The following RBFOX1 variants were observed in gnomAD, a reference collection of about 807,000 sequenced individuals.
RBFOX1 encodes the protein RNA binding fox-1 homolog 1, also known as RNA binding protein fox-1 homolog 1.
Under a neutral mutation model 57.7 loss-of-function variants are expected in RBFOX1, and 8 were observed. That is an observed-to-expected ratio of 0.14 (90% confidence interval 0.08 to 0.25). RBFOX1 has a LOEUF of 0.25. RBFOX1 is among the 10% of genes least tolerant of loss of function. The pLI is 1.00. For missense variants in RBFOX1, 611 were observed against 548.5 expected, an observed-to-expected ratio of 1.11 and a Z score of -1.14; for synonymous variants, 326 against 222.4, an observed-to-expected ratio of 1.47 and a Z score of -4.15.
At chr16:6,558,195 A>T (rs1255917198) in intron 2 of RBFOX1, among the ~76,000 whole-genome samples, 1 of 152,160 alleles carries the variant, frequency 6.6e-6, no homozygotes, top group East Asian at 1.9e-4. Flanking sequence ...CGTAACGTGC[A>T]GGTGTGTTGG....
intron 3 of RBFOX1, among the ~76,000 whole-genome samples, chr16:6,878,042 G>A (rs953069498): frequency 9.2e-5 from 14 of 152,250 alleles, no homozygotes; most frequent in Non-Finnish European, 1.9e-4. Flanking sequence ...TAAGAGGGAT[G>A]GAGCTGAAAG....
At chr16:5,906,368 A>G (rs1210463224) in intron 4 of RBFOX1, among the ~76,000 whole-genome samples, 2 of 152,222 alleles carry the variant, frequency 1.3e-5, no homozygotes, top group African/African-American at 4.8e-5. Flanking sequence ...AGCAGAGATC[A>G]AGGTAATGTT....
intron 2 of RBFOX1, among the ~76,000 whole-genome samples, chr16:6,548,429 G>A (rs868544103): frequency 6.6e-6 from 1 of 152,048 alleles, no homozygotes; most frequent in Non-Finnish European, 1.5e-5. Flanking sequence ...TTATGAGAAG[G>A]GAAGGCACAA....
rs542446943 is a variant in RBFOX1 at position 7,245,360 on chromosome 16, A to G, written c.27+193262A>G. 4.6e-5 allele frequency among the ~76,000 whole-genome samples: 7 copies of G among 152,174 alleles called. No individual in the cohort carries two copies. In the East Asian group the frequency reaches 9.7e-4, roughly 21 times the overall value. On this transcript the variant is annotated intron_variant, in intron 4 of 15. Coordinates refer to ENST00000550418, the MANE Select transcript of RBFOX1 (RefSeq NM_018723.4). The stretch of plus-strand genomic sequence containing the variant: ...TTAGGTTCCAAGATACATGTACAGG[A>G]TGTGCAGGTTCATTGCATAGGTAAA...
intron 3 of RBFOX1, among the ~76,000 whole-genome samples, chr16:6,817,985 C>T (rs1308758423): frequency 1.3e-5 from 2 of 152,112 alleles, no homozygotes; most frequent in Non-Finnish European, 2.9e-5. Context: ...GCAGGCCTGC[C>T]ATCCTCAAGC....
chr16:6,573,180 A>C (rs562724894), intron 2 of RBFOX1, among the ~76,000 whole-genome samples: 1 of 152,120 alleles, frequency 6.6e-6, no homozygotes, highest in African/African-American at 2.4e-5. Flanking sequence ...CATCATTTCT[A>C]TGTGAAGGGA....
chr16:5,885,655 A>T (rs1348202813), intron 4 of RBFOX1, among the ~76,000 whole-genome samples: 1 of 152,172 alleles, frequency 6.6e-6, no homozygotes, highest in Non-Finnish European at 1.5e-5. Flanking sequence ...AATTTCCGCT[A>T]TGCTAATGTT....
intron 1 of RBFOX1, among the ~76,000 whole-genome samples, chr16:5,312,057 G>A (rs895914557): frequency 6.6e-6 from 1 of 152,188 alleles, no homozygotes; most frequent in East Asian, 1.9e-4. Context: ...GCTCAGGAGG[G>A]GCTGCATGAA....
intron 4 of RBFOX1, among the ~76,000 whole-genome samples, chr16:7,485,806 G>C (rs537714410): frequency 6.6e-6 from 1 of 152,140 alleles, no homozygotes; most frequent in Non-Finnish European, 1.5e-5. Flanking sequence ...GGCTCTCCGA[G>C]TCCACTTGGC....
chr16:6,467,614 T>C (rs531048633), intron 2 of RBFOX1, among the ~76,000 whole-genome samples: 1 of 152,218 alleles, frequency 6.6e-6, no homozygotes, highest in East Asian at 1.9e-4. Context: ...TGTTTCCTAT[T>C]AAAAGGAAAC....
chr16:6,198,984 AT>A (rs1229040095), intron 1 of RBFOX1, among the ~76,000 whole-genome samples: 1 of 151,894 alleles, frequency 6.6e-6, no homozygotes, highest in Non-Finnish European at 1.5e-5. Context: ...TTGACTGAAC[AT>A]TTTTTAAATC....
rs564785532 is a variant in RBFOX1 at position 5,680,766 on chromosome 16, G to T, written c.318+81805G>T. On this transcript the variant is annotated intron_variant, in intron 3 of 19. Coordinates refer to the RBFOX1 transcript ENST00000641259. ...GGGTGAAGCTGCCTATGATAAGATG[G>T]TTTACTATTCATTCTCATCCTCAAC... Among the ~76,000 whole-genome samples, 3 of 152,244 alleles carry T rather than the reference G, an allele frequency of 2.0e-5. No homozygotes were observed. In the East Asian group the frequency reaches 5.8e-4, roughly 29 times the overall value.
intron 3 of RBFOX1, among the ~76,000 whole-genome samples, chr16:5,826,730 A>G (rs1228007602): frequency 6.6e-6 from 1 of 152,234 alleles, no homozygotes; most frequent in East Asian, 1.9e-4. Flanking sequence ...AATCACATCC[A>G]TATGCTGTCC....
intron 3 of RBFOX1, among the ~76,000 whole-genome samples, chr16:6,729,889 C>G (rs2068104747): frequency 6.6e-6 from 1 of 152,036 alleles, no homozygotes; most frequent in Non-Finnish European, 1.5e-5. Flanking sequence ...GAGAATGGCC[C>G]AGGAGATACA....
chr16:7,463,371 G>T (rs982656461), intron 4 of RBFOX1, among the ~76,000 whole-genome samples: 30 of 152,296 alleles, frequency 2.0e-4, no homozygotes, highest in African/African-American at 4.3e-4. Context: ...GGGTGTGATT[G>T]TGGGTGCCTG....
intron 3 of RBFOX1, among the ~76,000 whole-genome samples, chr16:6,706,217 C>T (rs2062717898): frequency 6.6e-6 from 1 of 152,144 alleles, no homozygotes; most frequent in Non-Finnish European, 1.5e-5. Context: ...TCCTTAGGTT[C>T]ACAACAGCAG....
intron 3 of RBFOX1, among the ~76,000 whole-genome samples, chr16:6,819,335 T>G (rs75102893): frequency 3.9e-5 from 6 of 152,278 alleles, no homozygotes; most frequent in African/African-American, 1.4e-4. Flanking sequence ...CTTAGATGAA[T>G]AAATAATATT....
chr16:7,604,250 C>T lies in RBFOX1; in HGVS notation c.623-3035C>T, dbSNP rs376600640. Among the ~76,000 whole-genome samples, 6 of 152,216 alleles carry T rather than the reference C, an allele frequency of 3.9e-5. No homozygotes were observed. The South Asian group carries it at 6.2e-4, about 16-fold the overall frequency. ...CTAGAAATTGGGTTTTCATTCCCAT[C>T]GCAGAGTTCAGAAAGGTCTTTGGTC... On this transcript the variant is annotated intron_variant, in intron 9 of 15. Transcript: ENST00000550418.
At chr16:5,719,191 C>A (rs2051834382) in intron 3 of RBFOX1, among the ~76,000 whole-genome samples, 1 of 142,314 alleles carries the variant, frequency 7.0e-6, no homozygotes, top group Non-Finnish European at 1.5e-5. Flanking sequence ...ACCCATACTT[C>A]ATATTAGAAT....
Sources: allele counts gnomAD v4.1 joint callset (sites outside exome capture counted in the v4.1 genomes callset), GRCh38; gene constraint gnomAD v4.1.1; transcripts MANE v1.5; gene names NCBI Gene and HGNC (gene_info 2026-07-23, HGNC 2026-07-21).